Variants in OMG observed in about 807,000 individuals in gnomAD.
OMG encodes the protein oligodendrocyte myelin glycoprotein, also known as oligodendrocyte-myelin glycoprotein.
Under a neutral mutation model 26.2 loss-of-function variants are expected in OMG, and 9 were observed. That is an observed-to-expected ratio of 0.34 (90% CI 0.21 to 0.60). OMG has a LOEUF of 0.60. OMG is among the 20% of genes least tolerant of loss of function. The pLI is 0.80. For synonymous variants in OMG, 179 were observed against 190.4 expected, an observed-to-expected ratio of 0.94 and a Z score of 0.49; for missense variants, 402 against 513.6, an observed-to-expected ratio of 0.78 and a Z score of 2.10.
rs567550496 is a variant in OMG, at chr17:31,295,531, A to G, written c.801T>C (p.Tyr267=). 6.2e-7 allele frequency: 1 copy of G among 1,614,128 alleles called. No individual in the cohort carries two copies. The highest frequency in any genetic ancestry group is 8.5e-7 in the Non-Finnish European group (1 of 1,179,984). ...QISSLKEHNM[Y]PTPSGFTSSL... ...TTGAGGTAAATCCAGAAGGTGTGGG[A>G]TACATGTTATGTTCCTTTAAAGATG... Residue 267 remains tyrosine, a synonymous_variant, in exon 2 of 2, where the codon TAT becomes TAC. Coordinates refer to ENST00000247271, the MANE Select transcript of OMG (RefSeq NM_002544.5).
chr17:31,294,814 TAGC>T lies in OMG; in HGVS notation c.*192_*194del, dbSNP rs2068426270. ...AGTTTACTTAATTAAGACAGTAAAA[TAGC>T]AGCAAGTACCAAGACATTGTGCATT... On this transcript the variant is annotated 3_prime_UTR_variant, in exon 2 of 2. Transcript: ENST00000247271. 1.5e-6 allele frequency: 1 copy of T among 660,270 alleles called. No individual in the cohort carries two copies. The highest frequency in any genetic ancestry group is 2.8e-5 in the Admixed American group (1 of 36,296). The allele number at this position is 660,270 out of a possible 1,614,324, so 40.9% of individuals were successfully genotyped here. A position where few individuals can be genotyped will look rare whatever the true frequency, so the allele number is the denominator to read the frequency against.
At position 31,296,116 on chromosome 17, in the gene OMG, GTTA is replaced by G; in HGVS notation, c.213_215del (p.Asn72del). On this transcript the variant is annotated inframe_deletion, in exon 2 of 2. Coordinates refer to ENST00000247271, the MANE Select transcript of OMG (RefSeq NM_002544.5). The stretch of plus-strand genomic sequence containing the variant: ...TCAGATTGGTATATTGGGTTAACTG[GTTA>G]TGCAGATCAGTAAAGTGGTTATAAG... The G allele has an allele frequency of 2.5e-6, 4 of 1,611,490 alleles. No individual in the cohort carries two copies. Among genetic ancestry groups the G allele is most frequent in the Non-Finnish European group, 3.4e-6 (4 of 1,178,534 alleles).
chr17:31,294,675 A>G lies in OMG; in HGVS notation c.*334T>C, dbSNP rs1237093714. 3 of 336,612 alleles carry G rather than the reference A, an allele frequency of 8.9e-6. No homozygotes were observed. Among genetic ancestry groups the G allele is most frequent in the Non-Finnish European group, 1.7e-5 (3 of 177,858 alleles). 20.9% of individuals were successfully genotyped at this position (336,612 alleles called of 1,614,324 possible). A position where few individuals can be genotyped will look rare whatever the true frequency, so the allele number is the denominator to read the frequency against. ...TGAGCATAGACCTTTTATTTTCCAG[A>G]TGTTTGACAGTGTAAACATACATAA... On this transcript the variant is annotated 3_prime_UTR_variant, in exon 2 of 2. Coordinates refer to ENST00000247271, the MANE Select transcript of OMG (RefSeq NM_002544.5).
rs2068422695 is a variant in OMG, at chr17:31,294,671, C to A, written c.*338G>T. On this transcript the variant is annotated 3_prime_UTR_variant, in exon 2 of 2. Transcript: ENST00000247271. The stretch of plus-strand genomic sequence containing the variant: ...GTTATGAGCATAGACCTTTTATTTT[C>A]CAGATGTTTGACAGTGTAAACATAC... 1 of 327,908 alleles carries A rather than the reference C, an allele frequency of 3.0e-6. No homozygotes were observed. Among genetic ancestry groups the A allele is most frequent in the Admixed American group, 4.5e-5 (1 of 22,016 alleles). The allele number at this position is 327,908 out of a possible 1,614,324, so 20.3% of individuals were successfully genotyped here.
chr17:31,296,835 T>C (rs1365307645), intron 1 of OMG: 1 of 159,098 alleles, frequency 6.3e-6, no homozygotes, highest in African/African-American at 2.4e-5. Context: ...TTCTTCGAAA[T>C]TTTATCTGTA....
Position 31,296,552 on chromosome 17 carries a change from C to CCTA in OMG, c.-6-218_-6-216dup. 3 of 550,938 alleles carry CCTA rather than the reference C, an allele frequency of 5.4e-6. No homozygotes were observed. The Admixed American group carries it at 9.0e-5, about 17-fold the overall frequency. The allele number at this position is 550,938 out of a possible 1,614,324, so 34.1% of individuals were successfully genotyped here. A position where few individuals can be genotyped will look rare whatever the true frequency, so the allele number is the denominator to read the frequency against. Reference sequence around the variant, plus strand: ...CTATGTGGTAGAGAGAGACTCTCTCCCTACTCTCTCCTGCATTTTCTCCTT... The same window carrying CCTA: ...CTATGTGGTAGAGAGAGACTCTCTCCCTACTACTCTCTCCTGCATTTTCTCCTT... On this transcript the variant is annotated intron_variant, in intron 1 of 1. Transcript: ENST00000247271.
intron 1 of OMG, chr17:31,296,587 T>C (rs2068470572): frequency 4.1e-6 from 2 of 481,968 alleles, no homozygotes; most frequent in East Asian, 3.7e-5. Flanking sequence ...TTATTTTCTC[T>C]CTCCCTCCCC....
chr17:31,295,205 G>C lies in OMG; in HGVS notation c.1127C>G (p.Thr376Arg). The C allele has an allele frequency of 1.2e-6, 2 of 1,614,164 alleles. No homozygotes were observed. Among genetic ancestry groups the C allele is most frequent in the Non-Finnish European group, 1.7e-6 (2 of 1,180,012 alleles). Residue 376 changes from threonine (T) to arginine (R), a missense_variant, in exon 2 of 2, where the codon ACA becomes AGA. Coordinates refer to ENST00000247271, the MANE Select transcript of OMG (RefSeq NM_002544.5). Reference sequence around the variant, plus strand: ...ACTAGTGATACTTAGGGTCATGGGTGTTGGGGATGATTTTGTTGAGCTAGT... The same window carrying C: ...ACTAGTGATACTTAGGGTCATGGGTCTTGGGGATGATTTTGTTGAGCTAGT... ...SLTSSTKSSP[T>R]PMTLSITSGM...
Position 31,296,015 on chromosome 17 carries a change from G to A in OMG, c.317C>T (p.Ala106Val). Residue 106 changes from alanine (A) to valine (V), a missense_variant, in exon 2 of 2, where the codon GCT becomes GTT. This residue lies in a region of OMG where 90 missense variants were observed against 158.9 expected (regional missense o/e 0.57). Coordinates refer to ENST00000247271, the MANE Select transcript of OMG (RefSeq NM_002544.5). ...AAGAAGTTTAATGTTGTTGTTAGCA[G>A]CAGACATGTTCCACAGAGACCGAGG... is the stretch of plus-strand genomic sequence containing the variant. The part of the protein sequence containing the change: ...HLPRSLWNMS[A>V]ANNNIKLLDK... The A allele has an allele frequency of 2.5e-6, 4 of 1,614,120 alleles. No individual in the cohort carries two copies. The highest frequency in any genetic ancestry group is 3.4e-6 in the Non-Finnish European group (4 of 1,180,002).
Position 31,295,017 on chromosome 17 carries a change from C to A in OMG, c.1315G>T (p.Ala439Ser). Residue 439 changes from alanine (A) to serine (S), a missense_variant, in exon 2 of 2, where the codon GCT (alanine) becomes TCT (serine). Coordinates refer to ENST00000247271, the MANE Select transcript of OMG (RefSeq NM_002544.5). ...TCAGAAAATGCAGACCCTCAGACAG[C>A]CAGCATGACCACAACATTGAGCAAT... is the stretch of plus-strand genomic sequence containing the variant. ...LLLLNVVVML[A>S]V 1 of 1,614,066 alleles carries A rather than the reference C, an allele frequency of 6.2e-7. No individual in the cohort carries two copies.
At chr17:31,296,661 C>T in intron 1 of OMG, 1 of 298,516 alleles carries the variant, frequency 3.3e-6, no homozygotes, top group Non-Finnish European at 6.5e-6. Flanking sequence ...AAATAGCATT[C>T]TTTGCAAATA....
Position 31,295,306 on chromosome 17 carries a change from A to G in OMG, c.1026T>C (p.Thr342=). The G allele has an allele frequency of 6.2e-7, 1 of 1,614,088 alleles. No homozygotes were observed. The highest frequency in any genetic ancestry group is 1.1e-5 in the South Asian group (1 of 91,080). The part of the protein sequence containing the change: ...VPYPEDTSTE[T]INSHEAAAAT... ...CAGCTGCTGCTTCATGTGAATTGAT[A>G]GTCTCTGTGGATGTATCTTCTGGAT... Residue 342 remains threonine, a synonymous_variant, in exon 2 of 2, where the codon ACT becomes ACC. Transcript: ENST00000247271.
Position 31,294,907 on chromosome 17 carries a change from G to T in OMG, c.*102C>A. On this transcript the variant is annotated 3_prime_UTR_variant, in exon 2 of 2. Coordinates refer to ENST00000247271, the MANE Select transcript of OMG (RefSeq NM_002544.5). ...TAGAAATGTTAAGACTGGCTTTCTT[G>T]AATACTTAAATATAGCTCGAATCAC... 6.7e-7 allele frequency: 1 copy of T among 1,490,756 alleles called. No individual in the cohort carries two copies. The highest frequency in any genetic ancestry group is 2.3e-5 in the East Asian group (1 of 44,166). 92.3% of individuals were successfully genotyped at this position (1,490,756 alleles called of 1,614,324 possible).
Position 31,297,185 on chromosome 17 carries a change from A to T in OMG, c.-36T>A, listed in dbSNP as rs1209424912. ...GTGTCGTCTTCAACATCAGCATCTC[A>T]TTTTCTCTGGGAAACTTAAAGGTCG... On this transcript the variant is annotated 5_prime_UTR_variant, in exon 1 of 2. The change abolishes an upstream ATG in the 5' untranslated region. Coordinates refer to ENST00000247271, the MANE Select transcript of OMG (RefSeq NM_002544.5). 6.6e-6 allele frequency: 1 copy of T among 152,064 alleles called. No homozygotes were observed. Among genetic ancestry groups the T allele is most frequent in the African/African-American group, 2.4e-5 (1 of 41,400 alleles). The allele number at this position is 152,064 out of a possible 1,614,324, so 9.4% of individuals were successfully genotyped here.
chr17:31,295,323 C>T lies in OMG; in HGVS notation c.1009G>A (p.Asp337Asn). Residue 337 changes from aspartate to asparagine, a missense_variant, in exon 2 of 2, where the codon GAT (aspartate) becomes AAT (asparagine). This residue lies in a region of OMG where 247 missense variants were observed against 274.7 expected (regional missense o/e 0.90). Coordinates refer to ENST00000247271, the MANE Select transcript of OMG (RefSeq NM_002544.5). ...GAATTGATAGTCTCTGTGGATGTAT[C>T]TTCTGGATAGGGCACAAAAGCCTTA... is the stretch of plus-strand genomic sequence containing the variant. ...TDKAFVPYPEDTSTETINSHE... is the reference protein window; with the variant it reads ...TDKAFVPYPENTSTETINSHE... 1 of 1,614,108 alleles carries T rather than the reference C, an allele frequency of 6.2e-7. No individual in the cohort carries two copies. Among genetic ancestry groups the T allele is most frequent in the Non-Finnish European group, 8.5e-7 (1 of 1,180,024 alleles).
Position 31,294,867 on chromosome 17 carries a change from C to A in OMG, c.*142G>T. On this transcript the variant is annotated 3_prime_UTR_variant, in exon 2 of 2. Transcript: ENST00000247271. ...TTCTTTTATTTAAGACAAGTTACTT[C>A]ATTTACATCAGAGTTAGAAATGTTA... 9.3e-7 allele frequency: 1 copy of A among 1,076,676 alleles called. No individual in the cohort carries two copies. 66.7% of individuals were successfully genotyped at this position (1,076,676 alleles called of 1,614,324 possible).
rs549414726 is a variant in OMG at position 31,295,950 on chromosome 17, G to C, written c.382C>G (p.Leu128Val). The change falls in exon 2 of 2, where the codon CTG becomes GTG. Residue 128 changes from leucine to valine, a missense_variant. This residue lies in a region of OMG where 90 missense variants were observed against 158.9 expected (regional missense o/e 0.57). Transcript: ENST00000247271. Reference sequence around the variant, plus strand: ...TCCAGCATGTTCTTAGAAACATCCAGATATTTAAGATTCCACTGATAAGCA... The same window carrying C: ...TCCAGCATGTTCTTAGAAACATCCACATATTTAAGATTCCACTGATAAGCA... The part of the protein sequence containing the change: ...DTAYQWNLKY[L>V]DVSKNMLEKV... The C allele has an allele frequency of 5.0e-6, 8 of 1,614,082 alleles. No homozygotes were observed. The Admixed American group carries it at 1.3e-4, about 27-fold the overall frequency.
chr17:31,296,283 A>C lies in OMG; in HGVS notation c.49T>G (p.Phe17Val). 1 of 1,614,094 alleles carries C rather than the reference A, an allele frequency of 6.2e-7. No homozygotes were observed. Among genetic ancestry groups the C allele is most frequent in the South Asian group, 1.1e-5 (1 of 91,084 alleles). Residue 17 changes from phenylalanine to valine, a missense_variant, in exon 2 of 2, where the codon TTT (phenylalanine) becomes GTT (valine). Physicochemically the swap from Phe to Val is conservative, Grantham distance 50. Coordinates refer to ENST00000247271, the MANE Select transcript of OMG (RefSeq NM_002544.5). ...ATGCATAAAATACCAGGTGTGAGAA[A>C]CAGAAGGATGAACAGGCAGAGAGAC... ...KMSLCLFILL[F>V]LTPGILCICP...
In OMG at chr17:31,294,974, G is replaced by A. The variant is rs967889802; in HGVS notation, c.*35C>T. On this transcript the variant is annotated 3_prime_UTR_variant, in exon 2 of 2. Coordinates refer to ENST00000247271, the MANE Select transcript of OMG (RefSeq NM_002544.5). The stretch of plus-strand genomic sequence containing the variant: ...TATTTTCCCAACTGTACATCAGGGA[G>A]GAGTGCTTTCATTAGTTTCAGAAAA... The A allele has an allele frequency of 8.7e-6, 14 of 1,613,608 alleles. No individual in the cohort carries two copies. The highest frequency in any genetic ancestry group is 1.3e-5 in the African/African-American group (1 of 74,912).
Sources: gnomAD v4.1 joint callset for allele counts on GRCh38, gnomAD v4.1.1 for gene constraint, gnomAD v4.1.1 regional missense constraint, MANE v1.5 for transcripts, NCBI Gene and HGNC (gene_info 2026-07-23, HGNC 2026-07-21) for gene names.